Variants in MYO3B observed in about 807,000 individuals in gnomAD.
The protein encoded by MYO3B is myosin-IIIb.
MYO3B carries 156 observed loss-of-function variants against 174.6 expected under a neutral mutation model. The ratio of observed to expected loss-of-function variants is 0.89; its 90% CI spans 0.78 to 1.02. The LOEUF is 1.02. Among genes scored for constraint, MYO3B ranks in the 50% least tolerant of loss-of-function variants. MYO3B has a pLI of 0.00. For synonymous variants in MYO3B, 563 were observed against 569.1 expected, an observed-to-expected ratio of 0.99 and a Z score of 0.15; for missense variants, 1,632 against 1,639.4, an observed-to-expected ratio of 1.00 and a Z score of 0.08.
chr2:170,503,531 T>C (rs1687420125), intron 28 of MYO3B, among the ~76,000 whole-genome samples: 1 of 151,706 alleles, frequency 6.6e-6, no homozygotes, highest in Non-Finnish European at 1.5e-5. Flanking sequence ...TGCCTTCCTT[T>C]TTTTTAGCCT....
intron 32 of MYO3B, among the ~76,000 whole-genome samples, chr2:170,645,387 G>T (rs184183679): frequency 1.3e-5 from 2 of 149,438 alleles, no homozygotes; most frequent in Non-Finnish European, 2.9e-5. Flanking sequence ...GAGGAGAATC[G>T]CTTGAACCCC....
intron 14 of MYO3B, among the ~76,000 whole-genome samples, chr2:170,391,082 T>A (rs1344317636): frequency 6.6e-6 from 1 of 152,060 alleles, no homozygotes; most frequent in African/African-American, 2.4e-5. Flanking sequence ...AAACCTCAGT[T>A]CTGGACCAAT....
At chr2:170,600,823 C>T (rs1012450662) in intron 32 of MYO3B, among the ~76,000 whole-genome samples, 11 of 152,174 alleles carry the variant, frequency 7.2e-5, no homozygotes, top group African/African-American at 2.7e-4. Context: ...AAGGATAAAG[C>T]ATACTTTTCT....
At chr2:170,404,109 C>T in intron 19 of MYO3B, 138 bp from the exon 20 acceptor site, 1 of 856,556 alleles carries the variant, frequency 1.2e-6, no homozygotes, top group Non-Finnish European at 1.8e-6. Flanking sequence ...CAGAAGATTC[C>T]TTTATTATAC....
chr2:170,213,173 T>C (rs146631984), intron 3 of MYO3B, among the ~76,000 whole-genome samples: 146 of 152,274 alleles, frequency 9.6e-4, no homozygotes, highest in African/African-American at 3.3e-3. Context: ...GAAAAAGTAT[T>C]GTAGCAGGAC....
intron 1 of MYO3B, among the ~76,000 whole-genome samples, chr2:170,198,473 G>T (rs189102731): frequency 6.6e-6 from 1 of 152,148 alleles, no homozygotes; most frequent in Non-Finnish European, 1.5e-5. Context: ...CAGGAGGAAG[G>T]AACAAGAATT....
chr2:170,465,410 A>G (rs1559028158), intron 24 of MYO3B, among the ~76,000 whole-genome samples: 1 of 152,320 alleles, frequency 6.6e-6, no homozygotes, highest in African/African-American at 2.4e-5. Context: ...GAATTCACTC[A>G]TTGCCGTGAG....
chr2:170,205,503 C>T (rs988210823), intron 3 of MYO3B, among the ~76,000 whole-genome samples: 8 of 152,160 alleles, frequency 5.3e-5, no homozygotes, highest in Non-Finnish European at 1.0e-4. Flanking sequence ...GATGAAGGTT[C>T]TGTTGTGCTT....
intron 3 of MYO3B, among the ~76,000 whole-genome samples, chr2:170,205,542 AG>A (rs1430679329): frequency 1.3e-5 from 2 of 152,156 alleles, no homozygotes; most frequent in East Asian, 1.9e-4. Context: ...TTTCCTTTAG[AG>A]GAGCAAAGAC....
chr2:170,628,151 TCTACAGAGGCAGGCAGG>T (rs907367048), intron 32 of MYO3B, among the ~76,000 whole-genome samples: 62 of 152,202 alleles, frequency 4.1e-4, no homozygotes, highest in African/African-American at 1.5e-3. Context: ...AGAGATGGAG[TCTACAGAGGCAGGCAGG>T]CCTCCTTGAG....
chr2:170,536,972 C>G (rs150721376), intron 30 of MYO3B, among the ~76,000 whole-genome samples: 1 of 151,960 alleles, frequency 6.6e-6, no homozygotes, highest in African/African-American at 2.4e-5. Flanking sequence ...GAGTCTGAGG[C>G]AGGTGAATCA....
At chr2:170,247,260 C>T (rs2093201454) in intron 7 of MYO3B, among the ~76,000 whole-genome samples, 1 of 152,150 alleles carries the variant, frequency 6.6e-6, no homozygotes, top group African/African-American at 2.4e-5. Context: ...TGAGAGGTAG[C>T]TGTTGTGGCC....
intron 30 of MYO3B, among the ~76,000 whole-genome samples, chr2:170,523,618 C>T (rs1460512200): frequency 2.6e-5 from 4 of 152,162 alleles, no homozygotes; most frequent in Admixed American, 1.3e-4. Flanking sequence ...CTCGGTCAGC[C>T]ATTCAGGAAT....
rs144627215 is a variant in MYO3B at position 170,597,749 on chromosome 2, T to C, written c.3733+53761T>C. 6.3e-3 allele frequency among the ~76,000 whole-genome samples: 959 copies of C among 152,336 alleles called. 8 individuals carry two copies. Among genetic ancestry groups the C allele is most frequent in the African/African-American group, 0.021 (875 of 41,580 alleles). ...AATGAATCTTCTGGACAAGTAGATA[T>C]AATAATATCTATTATTAGTGCCTCT... is the stretch of plus-strand genomic sequence containing the variant. On this transcript the variant is annotated intron_variant, in intron 32 of 34. Transcript: ENST00000408978.
chr2:170,562,473 A>G (rs1001703988), intron 32 of MYO3B, among the ~76,000 whole-genome samples: 1 of 152,226 alleles, frequency 6.6e-6, no homozygotes, highest in African/African-American at 2.4e-5. Context: ...TAACCCCAAA[A>G]GCCGACAAAA....
intron 22 of MYO3B, among the ~76,000 whole-genome samples, chr2:170,417,196 A>G (rs67861968): frequency 0.18 from 26,687 of 151,874 alleles, 2,986 homozygotes; most frequent in East Asian, 0.55. Context: ...TGTCTACCCA[A>G]TGGAAAGTAG....
chr2:170,230,894 A>C (rs1326277239), intron 6 of MYO3B, among the ~76,000 whole-genome samples: 1 of 152,176 alleles, frequency 6.6e-6, no homozygotes, highest in Non-Finnish European at 1.5e-5. Context: ...AGGGAGATAA[A>C]ATATTTTGTC....
intron 23 of MYO3B, among the ~76,000 whole-genome samples, chr2:170,447,776 G>A (rs191300029): frequency 3.3e-5 from 5 of 152,326 alleles, no homozygotes; most frequent in East Asian, 1.9e-4. Context: ...CAGTCTCCTC[G>A]AGTAGTCAAG....
chr2:170,573,218 A>G (rs747408326), intron 32 of MYO3B, among the ~76,000 whole-genome samples: 18 of 95,962 alleles, frequency 1.9e-4, no homozygotes, highest in Non-Finnish European at 3.1e-4. Flanking sequence ...ACATATATGT[A>G]TACTGTGTGT....
Sources: allele counts gnomAD v4.1 joint callset (sites outside exome capture counted in the v4.1 genomes callset), GRCh38; gene constraint gnomAD v4.1.1; transcripts MANE v1.5; gene names NCBI Gene and HGNC (gene_info 2026-07-23, HGNC 2026-07-21).